Variants in DPP3 observed in about 807,000 individuals in gnomAD.
The protein encoded by DPP3 is dipeptidyl peptidase 3.
In DPP3, 64 loss-of-function variants were observed where a neutral mutation model predicts 89.8. The ratio of observed to expected loss-of-function variants is 0.71; its 90% confidence interval spans 0.58 to 0.88. The LOEUF is 0.88. Among genes scored for constraint, DPP3 ranks in the 40% least tolerant of loss-of-function variants. The pLI is 0.00. For missense variants in DPP3, 835 were observed against 972.5 expected (o/e 0.86, Z 1.88); for synonymous variants, 377 against 404.3 (o/e 0.93, Z 0.81).
At chr11:66,498,126 C>T (rs1408653103) in intron 16 of DPP3, among the ~76,000 whole-genome samples, 1 of 143,126 alleles carries the variant, frequency 7.0e-6, no homozygotes, top group African/African-American at 2.6e-5. Flanking sequence ...CAGGGTCTCG[C>T]TCTGTCGCCC....
At chr11:66,498,615 G>T (rs972611539) in intron 16 of DPP3, among the ~76,000 whole-genome samples, 1 of 152,166 alleles carries the variant, frequency 6.6e-6, no homozygotes, top group Non-Finnish European at 1.5e-5. Flanking sequence ...ACTTCTACAG[G>T]ATATAATTTA....
Position 66,487,317 on chromosome 11 carries a change from T to G in DPP3, c.548T>G (p.Leu183Trp). 6.2e-7 allele frequency: 1 copy of G among 1,614,022 alleles called. No homozygotes were observed. The change falls in exon 5 of 18, where the codon TTG (leucine) becomes TGG (tryptophan). Residue 183 changes from leucine (L) to tryptophan (W), a missense_variant. By Grantham distance (61) the Leu-to-Trp change is moderately conservative. Coordinates refer to ENST00000531863, the MANE Select transcript of DPP3 (RefSeq NM_130443.4). ...SGNCTMEDAK[L>W]AQDFLDSQNL... ...AATTGTACCATGGAAGATGCCAAAT[T>G]GGCCCAGGACTTTCTGGACTCACAG...
In DPP3 at chr11:66,486,665, A is replaced by G. The variant is rs771985226; in HGVS notation, c.486A>G (p.Gly162=). ...TGGAGCCAAGGCTTCGACACCTCGG[A>G]CTGGGGAAGGAGGTGAGGCCCCTGA... The part of the protein sequence containing the change: ...FSLEPRLRHL[G]LGKEGITTYF... The change falls in exon 4 of 18, where the codon GGA becomes GGG. Residue 162 remains glycine (G), a synonymous_variant. Transcript: ENST00000531863. The G allele has an allele frequency of 1.9e-6, 3 of 1,546,322 alleles. No homozygotes were observed. The East Asian group carries it at 7.4e-5, about 38-fold the overall frequency.
intron 6 of DPP3, 45 bp from the exon 7 acceptor site, chr11:66,491,208 C>G (rs760745247): frequency 1.9e-6 from 3 of 1,610,474 alleles, no homozygotes; most frequent in South Asian, 1.1e-5. Context: ...TGAGTGAGGC[C>G]TCTTACTCCA....
chr11:66,503,249 G>A (rs1360500290), intron 16 of DPP3, among the ~76,000 whole-genome samples: 2 of 152,182 alleles, frequency 1.3e-5, no homozygotes, highest in Non-Finnish European at 2.9e-5. Context: ...TTACAGGTAT[G>A]AGCCACCGTG....
intron 4 of DPP3, among the ~76,000 whole-genome samples, 164 bp from the exon 5 acceptor site, chr11:66,487,104 A>T (rs926409118): frequency 6.6e-6 from 1 of 151,724 alleles, no homozygotes; most frequent in Non-Finnish European, 1.5e-5. Flanking sequence ...ACTGGAGATG[A>T]GCATGTTTGT....
At chr11:66,488,102 G>A in intron 6 of DPP3, 95 bp downstream of exon 6, 1 of 1,064,662 alleles carries the variant, frequency 9.4e-7, no homozygotes, top group South Asian at 1.6e-5. Context: ...CCTTCAGAAA[G>A]AGCATCCTTC....
chr11:66,482,634 T>C (rs189834963), intron 2 of DPP3, among the ~76,000 whole-genome samples, 164 bp downstream of exon 2: 17 of 152,306 alleles, frequency 1.1e-4, no homozygotes. Flanking sequence ...ACCCGTAAAA[T>C]ATGCATGTGG....
At chr11:66,485,499 C>T (rs1855202043) in intron 3 of DPP3, among the ~76,000 whole-genome samples, 1 of 152,132 alleles carries the variant, frequency 6.6e-6, no homozygotes, top group African/African-American at 2.4e-5. Flanking sequence ...TGAACAAGGG[C>T]GAGATGTGGA....
chr11:66,504,586 A>G (rs1240111581), intron 16 of DPP3, 26 bp from the exon 17 acceptor site: 1 of 1,587,192 alleles, frequency 6.3e-7, no homozygotes, highest in South Asian at 1.1e-5. Context: ...TGCCCATCCT[A>G]GACATTTACT....
chr11:66,498,575 G>A (rs1855601233), intron 16 of DPP3, among the ~76,000 whole-genome samples: 1 of 152,192 alleles, frequency 6.6e-6, no homozygotes, highest in African/African-American at 2.4e-5. Flanking sequence ...AACAAAAACA[G>A]TTTACCGTTA....
intron 16 of DPP3, among the ~76,000 whole-genome samples, chr11:66,503,442 CT>C (rs2134750617): frequency 6.6e-6 from 1 of 152,294 alleles, no homozygotes; most frequent in Admixed American, 6.5e-5. Context: ...TAGAACTATT[CT>C]TGTTTAGAGA....
intron 2 of DPP3, among the ~76,000 whole-genome samples, chr11:66,484,839 A>G (rs1449356301): frequency 2.6e-5 from 4 of 152,188 alleles, no homozygotes; most frequent in African/African-American, 7.2e-5. Flanking sequence ...CTCTGGAGAA[A>G]GAGGGAGGTG....
intron 3 of DPP3, among the ~76,000 whole-genome samples, chr11:66,485,912 A>ATTTTCTTTTCTTTTCTTTTC (rs113853030): frequency 1.6e-4 from 23 of 144,474 alleles, no homozygotes; most frequent in African/African-American, 5.2e-4. Context: ...CACCAGCTAA[A>ATTTTCTTTTCTTTTCTTTTC]TTTTCTTTTC....
At chr11:66,508,194 G>A (rs1182143772) in intron 17 of DPP3, among the ~76,000 whole-genome samples, 1 of 152,252 alleles carries the variant, frequency 6.6e-6, no homozygotes, top group African/African-American at 2.4e-5. Context: ...AAGGTGCACA[G>A]AGAGGGTAGA....
chr11:66,480,703 C>A, intron 1 of DPP3: 1 of 422,582 alleles, frequency 2.4e-6, no homozygotes, highest in Non-Finnish European at 4.1e-6. Flanking sequence ...GGCGAGGAGG[C>A]TGGACACTCT....
intron 15 of DPP3, 123 bp from the exon 16 acceptor site, chr11:66,497,175 T>G: frequency 8.3e-7 from 1 of 1,211,032 alleles, no homozygotes; most frequent in Non-Finnish European, 1.1e-6. Context: ...CAATAACAGT[T>G]GCCAGTTAAT....
intron 16 of DPP3, among the ~76,000 whole-genome samples, chr11:66,502,725 A>C (rs1427641613): frequency 6.6e-6 from 1 of 152,022 alleles, no homozygotes; most frequent in African/African-American, 2.4e-5. Flanking sequence ...CGGCCTCCCA[A>C]AGTGCTGGGA....
chr11:66,496,750 G>A (rs910263519), intron 15 of DPP3, among the ~76,000 whole-genome samples: 5 of 152,112 alleles, frequency 3.3e-5, no homozygotes, highest in African/African-American at 1.2e-4. Context: ...AAATAGGTGT[G>A]GTTTGAGGAG....
Sources: gnomAD v4.1 joint callset for allele counts (sites outside exome capture counted in the v4.1 genomes callset) on GRCh38, gnomAD v4.1.1 for gene constraint, MANE v1.5 for transcripts, NCBI Gene and HGNC (gene_info 2026-07-23, HGNC 2026-07-21) for gene names.